Variants in CNTN4 observed in about 807,000 individuals in gnomAD.
The protein encoded by CNTN4 is contactin-4.
CNTN4 carries 77 observed loss-of-function variants against 122.5 expected under a neutral mutation model. The ratio of observed to expected loss-of-function variants is 0.63; its 90% CI spans 0.52 to 0.76. The LOEUF is 0.76. Among genes scored for constraint, CNTN4 ranks in the 30% least tolerant of loss-of-function variants. The pLI is 0.00. For synonymous variants in CNTN4, 512 were observed against 447.0 expected (o/e 1.15, Z -1.83); for missense variants, 1,256 against 1,259.1 (o/e 1.00, Z 0.04).
At chr3:2,783,888 A>G (rs191058801) in intron 6 of CNTN4, among the ~76,000 whole-genome samples, 25 of 152,182 alleles carry the variant, frequency 1.6e-4, no homozygotes, top group African/African-American at 5.8e-4. Context: ...TGAACCCTAT[A>G]ATTTTCTTGC....
intron 3 of CNTN4, among the ~76,000 whole-genome samples, chr3:2,476,872 T>C (rs1264855353): frequency 6.6e-6 from 1 of 152,240 alleles, no homozygotes; most frequent in African/African-American, 2.4e-5. Flanking sequence ...TTTTATTTTT[T>C]ATTATTAGTC....
intron 6 of CNTN4, among the ~76,000 whole-genome samples, chr3:2,794,464 T>G (rs1047375969): frequency 6.6e-6 from 1 of 152,232 alleles, no homozygotes; most frequent in African/African-American, 2.4e-5. Flanking sequence ...TCCCTTTTTT[T>G]GTTCATAGAA....
At chr3:2,933,085 G>T (rs1348250064) in intron 13 of CNTN4, among the ~76,000 whole-genome samples, 2 of 152,262 alleles carry the variant, frequency 1.3e-5, no homozygotes, top group South Asian at 4.1e-4. Context: ...GCCTCCCAAA[G>T]TGCTGGGATT....
intron 23 of CNTN4, among the ~76,000 whole-genome samples, 177 bp from the exon 24 acceptor site, chr3:3,053,630 A>G (rs1039170345): frequency 6.6e-6 from 1 of 152,204 alleles, no homozygotes; most frequent in African/African-American, 2.4e-5. Context: ...TTGGAATAAA[A>G]TGGTAGCTGC....
intron 13 of CNTN4, among the ~76,000 whole-genome samples, chr3:2,934,820 G>C (rs902842207): frequency 6.6e-6 from 1 of 152,264 alleles, no homozygotes. Context: ...AAAGCAACAG[G>C]AGCGTCATTG....
At chr3:2,396,412 G>A (rs185464490) in intron 3 of CNTN4, among the ~76,000 whole-genome samples, 206 of 152,236 alleles carry the variant, frequency 1.4e-3, no homozygotes, top group Middle Eastern at 3.4e-3. Context: ...AAGACCCACC[G>A]TATGAAAACA....
intron 2 of CNTN4, among the ~76,000 whole-genome samples, chr3:2,152,787 C>T (rs576725899): frequency 5.9e-5 from 9 of 152,132 alleles, no homozygotes; most frequent in Admixed American, 2.0e-4. Context: ...TGGGTCATGT[C>T]GATGTGAGAC....
At chr3:2,879,262 G>A (rs148820944) in intron 8 of CNTN4, among the ~76,000 whole-genome samples, 1 of 152,280 alleles carries the variant, frequency 6.6e-6, no homozygotes, top group Non-Finnish European at 1.5e-5. Flanking sequence ...ATAAGCCAAT[G>A]AATGCCAAGG....
intron 2 of CNTN4, among the ~76,000 whole-genome samples, chr3:2,335,478 T>G (rs1279548446): frequency 6.6e-6 from 1 of 152,056 alleles, no homozygotes; most frequent in African/African-American, 2.4e-5. Flanking sequence ...AGGTCTTGCC[T>G]TGTGTTCGCC....
intron 2 of CNTN4, among the ~76,000 whole-genome samples, chr3:2,122,040 A>T (rs531245184): frequency 3.3e-5 from 5 of 152,048 alleles, no homozygotes; most frequent in African/African-American, 1.2e-4. Context: ...CTGTAGTCCC[A>T]GCTACTCGGG....
intron 13 of CNTN4, among the ~76,000 whole-genome samples, chr3:2,986,021 C>T (rs1254927332): frequency 6.6e-6 from 1 of 150,610 alleles, no homozygotes; most frequent in Non-Finnish European, 1.5e-5. Flanking sequence ...TTCAAGCCAT[C>T]CTCCCACCTC....
At chr3:2,943,246 G>GA (rs1353613283) in intron 13 of CNTN4, among the ~76,000 whole-genome samples, 1 of 152,166 alleles carries the variant, frequency 6.6e-6, no homozygotes, top group East Asian at 1.9e-4. Context: ...AAAAGCTACA[G>GA]AGAGTCTCAA....
At chr3:2,680,170 G>A (rs1209797313) in intron 4 of CNTN4, among the ~76,000 whole-genome samples, 1 of 152,092 alleles carries the variant, frequency 6.6e-6, no homozygotes, top group Non-Finnish European at 1.5e-5. Flanking sequence ...TATAATATAA[G>A]CTAGACTATA....
chr3:2,843,527 C>T (rs556194833), intron 7 of CNTN4, among the ~76,000 whole-genome samples: 1 of 152,158 alleles, frequency 6.6e-6, no homozygotes, highest in Admixed American at 6.5e-5. Context: ...TGTAACCCCC[C>T]AATGTTGGAG....
At chr3:2,720,711 T>C (rs1050350258) in intron 4 of CNTN4, among the ~76,000 whole-genome samples, 1 of 152,226 alleles carries the variant, frequency 6.6e-6, no homozygotes, top group Non-Finnish European at 1.5e-5. Context: ...CCCAGCATTA[T>C]AGACTTTAAA....
intron 3 of CNTN4, among the ~76,000 whole-genome samples, chr3:2,539,248 A>C (rs1001105153): frequency 6.6e-5 from 10 of 152,082 alleles, no homozygotes; most frequent in Admixed American, 2.6e-4. Context: ...TGTAGGGATA[A>C]GATTCAATTT....
intron 3 of CNTN4, among the ~76,000 whole-genome samples, chr3:2,352,646 T>G (rs962289826): frequency 2.0e-5 from 3 of 152,152 alleles, no homozygotes; most frequent in African/African-American, 7.2e-5. Flanking sequence ...GCTCAGGACC[T>G]GCAGCCCGCC....
At chr3:2,569,523 A>G (rs2079327260) in intron 3 of CNTN4, among the ~76,000 whole-genome samples, 1 of 152,180 alleles carries the variant, frequency 6.6e-6, no homozygotes, top group Non-Finnish European at 1.5e-5. Context: ...CAATTTAAAA[A>G]TAATATAAAT....
At chr3:2,720,179 A>G (rs190594132) in intron 4 of CNTN4, among the ~76,000 whole-genome samples, 34 of 152,296 alleles carry the variant, frequency 2.2e-4, no homozygotes, top group Admixed American at 1.7e-3. Flanking sequence ...TTGCCTGACA[A>G]AAATACAGAT....
Sources: allele counts gnomAD v4.1 joint callset (sites outside exome capture counted in the v4.1 genomes callset), GRCh38; gene constraint gnomAD v4.1.1; transcripts MANE v1.5; gene names NCBI Gene and HGNC (gene_info 2026-07-23, HGNC 2026-07-21).